BNC2: variants seen among roughly 807,000 people sequenced by gnomAD.
The protein encoded by BNC2 is zinc finger protein basonuclin-2.
Under a neutral mutation model 76.3 loss-of-function variants are expected in BNC2, and 20 were observed. The observed-to-expected ratio is 0.26, with a 90% CI of 0.18 to 0.38. The LOEUF (loss-of-function observed/expected upper bound fraction) is 0.38. Among genes scored for constraint, BNC2 ranks in the 10% least tolerant of loss-of-function variants. BNC2 has a pLI of 1.00. For missense variants in BNC2, 1,382 were observed against 1,399.8 expected, an observed-to-expected ratio of 0.99 and a Z score of 0.20; for synonymous variants, 582 against 514.8, an observed-to-expected ratio of 1.13 and a Z score of -1.77.
At position 16,419,398 on chromosome 9, in the gene BNC2, G is replaced by C. The variant is rs772778996; in HGVS notation, c.2891C>G (p.Thr964Ser). ...GCTGCTGGACTGGAGGCTGGAGGTG[G>C]TGCTCAAGTCAAGGACCATGTAGTC... Reference protein sequence around the residue: ...AEDYMVLDLSTTSSLQSSSSI... With the variant: ...AEDYMVLDLSSTSSLQSSSSI... Residue 964 changes from threonine (T) to serine (S), a missense_variant, in exon 7 of 7, where the codon ACC (threonine) becomes AGC (serine). Around this residue, in one of 3 missense-constraint regions of BNC2, gnomAD observed 798 missense variants for 775.5 expected, o/e 1.03. Coordinates refer to ENST00000380672, the MANE Select transcript of BNC2 (RefSeq NM_017637.6). The C allele has an allele frequency of 2.5e-6, 4 of 1,601,374 alleles. No homozygotes were observed. Among genetic ancestry groups the C allele is most frequent in the Non-Finnish European group, 3.4e-6 (4 of 1,173,120 alleles).
At position 16,417,876 on chromosome 9, in the gene BNC2, G is replaced by A. The variant is rs532637177; in HGVS notation, c.*1113C>T. 1 of 152,646 alleles carries A rather than the reference G, an allele frequency of 6.6e-6. No homozygotes were observed. Among genetic ancestry groups the A allele is most frequent in the Admixed American group, 6.5e-5 (1 of 15,286 alleles). 9.5% of individuals were successfully genotyped at this position (152,646 alleles called of 1,614,324 possible). A position where few individuals can be genotyped will look rare whatever the true frequency, so the allele number is the denominator to read the frequency against. On this transcript the variant is annotated 3_prime_UTR_variant, in exon 7 of 7. Transcript: ENST00000380672. ...TGCAATGTTGATTCTAATAACATTC[G>A]GCACTTGAAAGAATCACCAAGTGTT...
intron 3 of BNC2, among the ~76,000 whole-genome samples, chr9:16,673,778 C>T (rs115935810): frequency 0.024 from 3,675 of 152,244 alleles, 52 homozygotes; most frequent in South Asian, 0.064. Context: ...CACAGCCAGA[C>T]ACCTACACTG....
intron 4 of BNC2, among the ~76,000 whole-genome samples, chr9:16,562,269 C>A (rs760151147): frequency 1.3e-5 from 2 of 152,230 alleles, no homozygotes; most frequent in East Asian, 1.9e-4. Context: ...CTCCTCGAAC[C>A]CCACATATTC....
At chr9:16,857,303 C>G (rs960492398) in intron 1 of BNC2, among the ~76,000 whole-genome samples, 4 of 151,634 alleles carry the variant, frequency 2.6e-5, no homozygotes, top group Non-Finnish European at 5.9e-5. Flanking sequence ...CGTGGTGAAA[C>G]CCCGTCTAAA....
intron 3 of BNC2, among the ~76,000 whole-genome samples, chr9:16,591,049 C>T (rs1278470778): frequency 6.6e-6 from 1 of 152,068 alleles, no homozygotes; most frequent in African/African-American, 2.4e-5. Context: ...CAAACATTGC[C>T]ACAAAGACTA....
intron 3 of BNC2, among the ~76,000 whole-genome samples, chr9:16,687,055 G>A (rs930723760): frequency 4.6e-5 from 7 of 152,102 alleles, no homozygotes; most frequent in South Asian, 2.1e-4. Flanking sequence ...TACGGAGTAT[G>A]AGCATCTCCA....
chr9:16,779,121 A>AG, intron 1 of BNC2, among the ~76,000 whole-genome samples: 2 of 115,292 alleles, frequency 1.7e-5, no homozygotes, highest in African/African-American at 7.9e-5. Flanking sequence ...TTGTAAAAAA[A>AG]AAAAAAAAAA....
chr9:16,709,157 G>C (rs1021680819), intron 3 of BNC2, among the ~76,000 whole-genome samples: 2 of 152,164 alleles, frequency 1.3e-5, no homozygotes, highest in South Asian at 2.1e-4. Context: ...AAGTGTTGGT[G>C]GGGGTGGCAG....
At chr9:16,860,436 A>C (rs1819368781) in intron 1 of BNC2, among the ~76,000 whole-genome samples, 1 of 152,208 alleles carries the variant, frequency 6.6e-6, no homozygotes, top group Non-Finnish European at 1.5e-5. Flanking sequence ...CTCAATGGAG[A>C]AAAACTGTCT....
chr9:16,830,585 C>T (rs567532568), intron 1 of BNC2, among the ~76,000 whole-genome samples: 15 of 152,212 alleles, frequency 9.9e-5, no homozygotes, highest in Admixed American at 2.6e-4. Context: ...GTTGAATCTG[C>T]GGGCGCAGAA....
chr9:16,500,120 C>T (rs1822487481), intron 5 of BNC2, among the ~76,000 whole-genome samples: 1 of 152,036 alleles, frequency 6.6e-6, no homozygotes, highest in Non-Finnish European at 1.5e-5. Context: ...ATGTCTCTAG[C>T]CACATGCATG....
intron 3 of BNC2, among the ~76,000 whole-genome samples, chr9:16,723,676 G>T (rs1219996315): frequency 6.6e-6 from 1 of 151,982 alleles, no homozygotes; most frequent in African/African-American, 2.4e-5. Flanking sequence ...TCATTTCTCT[G>T]AAAGGTGCTA....
intron 1 of BNC2, among the ~76,000 whole-genome samples, chr9:16,859,366 G>A (rs1013255559): frequency 1.2e-4 from 19 of 152,182 alleles, no homozygotes; most frequent in Non-Finnish European, 2.5e-4. Flanking sequence ...AAGATTGAAA[G>A]CAGTATCTTT....
chr9:16,754,233 A>C (rs1825309598), intron 1 of BNC2, among the ~76,000 whole-genome samples: 1 of 152,220 alleles, frequency 6.6e-6, no homozygotes, highest in African/African-American at 2.4e-5. Context: ...GCTCACAGTC[A>C]GTCATCACAA....
Position 16,418,113 on chromosome 9 carries a change from T to A in BNC2, c.*876A>T, listed in dbSNP as rs1216018165. ...GACACTTACTGAAGTATGGCAATAG[T>A]TTAAGGATAAAAAAGAAGCATGGTT... On this transcript the variant is annotated 3_prime_UTR_variant, in exon 7 of 7. Transcript: ENST00000380672. 6.6e-6 allele frequency: 1 copy of A among 152,602 alleles called. No homozygotes were observed. The highest frequency in any genetic ancestry group is 1.5e-5 in the Non-Finnish European group (1 of 68,042). 9.5% of individuals were successfully genotyped at this position (152,602 alleles called of 1,614,324 possible).
chr9:16,437,520 G>A lies in BNC2; in HGVS notation c.674C>T (p.Ala225Val), dbSNP rs777641974. Residue 225 changes from alanine (A) to valine (V), a missense_variant, in exon 6 of 7, where the codon GCT becomes GTT. Ala to Val is a moderately conservative substitution (Grantham distance 64). Coordinates refer to ENST00000380672, the MANE Select transcript of BNC2 (RefSeq NM_017637.6). ...DYVRGYILQD[A>V]AGKVLDRWAI... ...CCAGCGGTCCAGCACCTTGCCAGCA[G>A]CATCCTAGAGGCCACATCAAAGAAA... is the stretch of plus-strand genomic sequence containing the variant. 13 of 1,611,728 alleles carry A rather than the reference G, an allele frequency of 8.1e-6. No homozygotes were observed. The highest frequency in any genetic ancestry group is 2.2e-5 in the East Asian group (1 of 44,868).
intron 5 of BNC2, among the ~76,000 whole-genome samples, chr9:16,465,247 C>G (rs1010080368): frequency 6.6e-6 from 1 of 152,038 alleles, no homozygotes; most frequent in Admixed American, 6.5e-5. Context: ...ACCAGCCTGG[C>G]CAACATGGCA....
chr9:16,738,549 A>G, intron 1 of BNC2, 64 bp from the exon 2 acceptor site: 1 of 1,474,912 alleles, frequency 6.8e-7, no homozygotes, highest in Non-Finnish European at 9.0e-7. Context: ...AGCATTGAGT[A>G]CATCAAAACT....
intron 5 of BNC2, among the ~76,000 whole-genome samples, chr9:16,459,026 C>G (rs976067441): frequency 6.6e-6 from 1 of 152,168 alleles, no homozygotes; most frequent in Non-Finnish European, 1.5e-5. Flanking sequence ...GAAGCAAGTA[C>G]AGAAACCCTA....
Sources: gnomAD v4.1 joint callset for allele counts (sites outside exome capture counted in the v4.1 genomes callset) on GRCh38, gnomAD v4.1.1 for gene constraint, gnomAD v4.1.1 regional missense constraint, MANE v1.5 for transcripts, NCBI Gene and HGNC (gene_info 2026-07-23, HGNC 2026-07-21) for gene names.